Variants in LGMN observed in about 807,000 individuals in gnomAD.
LGMN encodes legumain.
LGMN carries 36 observed loss-of-function variants against 56.8 expected under a neutral mutation model. That is an observed-to-expected ratio of 0.63 (90% confidence interval 0.49 to 0.84). LGMN has a LOEUF of 0.84. Ranked by LOEUF, LGMN falls within the 40% of genes least tolerant of loss-of-function variation. The probability of loss-of-function intolerance (pLI) is 0.00; values close to 1 mark genes in which losing one functional copy is unlikely to be tolerated. For synonymous variants in LGMN, 199 were observed against 210.1 expected, an observed-to-expected ratio of 0.95 and a Z score of 0.46; for missense variants, 446 against 556.1, an observed-to-expected ratio of 0.80 and a Z score of 1.99.
intron 4 of LGMN, 51 bp from the exon 5 acceptor site, chr14:92,716,272 A>C (rs1890069901): frequency 5.1e-6 from 7 of 1,366,038 alleles, no homozygotes; most frequent in Non-Finnish European, 3.1e-6. Context: ...TCCAACCCAG[A>C]GAGTTGGCTG....
chr14:92,714,379 T>A lies in LGMN; in HGVS notation c.477A>T (p.Glu159Asp). ...TTAAAACGTTAAGAAAACTCACATC[T>A]TCATTGGGAAAAACCAGTATTCCAG... ...GSTGILVFPN[E>D]DLHVKDLNET... Residue 159 changes from glutamate (E) to aspartate (D), a missense_variant, in exon 6 of 14, where the codon GAA becomes GAT. By Grantham distance (45) the Glu-to-Asp change is conservative. Transcript: ENST00000334869. The surrounding 1 kb of genome is among the most constrained non-coding windows in gnomAD (Gnocchi z 5.1). The A allele has an allele frequency of 6.2e-7, 1 of 1,603,076 alleles. No homozygotes were observed. The highest frequency in any genetic ancestry group is 2.2e-5 in the East Asian group (1 of 44,808).
At chr14:92,722,989 G>A (rs916794670) in intron 2 of LGMN, among the ~76,000 whole-genome samples, 15 of 152,136 alleles carry the variant, frequency 9.9e-5, no homozygotes, top group African/African-American at 1.7e-4. Flanking sequence ...TTTTGGAAAC[G>A]AGCGTTATAG....
chr14:92,737,290 C>A (rs1175677499), intron 1 of LGMN, among the ~76,000 whole-genome samples: 2 of 152,120 alleles, frequency 1.3e-5, no homozygotes, highest in African/African-American at 4.8e-5. Flanking sequence ...ACAAATATAG[C>A]CTTTTACCCG....
At chr14:92,727,845 G>T (rs1448533803) in intron 2 of LGMN, among the ~76,000 whole-genome samples, 2 of 152,092 alleles carry the variant, frequency 1.3e-5, no homozygotes, top group African/African-American at 4.8e-5. Flanking sequence ...TGATCAGAGG[G>T]CCCTGACTCC....
At chr14:92,726,074 T>A (rs768512221) in intron 2 of LGMN, among the ~76,000 whole-genome samples, 18 of 150,830 alleles carry the variant, frequency 1.2e-4, no homozygotes, top group Admixed American at 7.3e-4. Flanking sequence ...CTGTCTCTAC[T>A]AAAAATACAA....
At chr14:92,730,774 C>G (rs1271816) in intron 2 of LGMN, among the ~76,000 whole-genome samples, 1 of 151,646 alleles carries the variant, frequency 6.6e-6, no homozygotes, top group Non-Finnish European at 1.5e-5. Flanking sequence ...TGAAACCCGG[C>G]CTCTGCTAAA....
At chr14:92,748,134 G>A (rs962186984) in intron 1 of LGMN, among the ~76,000 whole-genome samples, 1 of 152,090 alleles carries the variant, frequency 6.6e-6, no homozygotes, top group Non-Finnish European at 1.5e-5. Context: ...GTAAAGGCTG[G>A]AACCAAGCCC....
At chr14:92,724,161 G>A (rs1031850311) in intron 2 of LGMN, among the ~76,000 whole-genome samples, 8 of 152,342 alleles carry the variant, frequency 5.3e-5, no homozygotes, top group Middle Eastern at 6.8e-3. Flanking sequence ...AAGATGATAT[G>A]TCTTAAACTA....
intron 3 of LGMN, 26 bp downstream of exon 3, chr14:92,718,721 C>T (rs750684342): frequency 4.0e-6 from 6 of 1,505,860 alleles, no homozygotes; most frequent in Non-Finnish European, 5.5e-6. Flanking sequence ...TCCTTCCCCA[C>T]CAAGTTCCAA....
intron 2 of LGMN, 78 bp from the exon 3 acceptor site, chr14:92,718,922 G>A: frequency 3.4e-6 from 3 of 893,194 alleles, no homozygotes; most frequent in South Asian, 3.0e-5. Context: ...GATGTGTTCT[G>A]TCTCCTGGAA....
chr14:92,718,670 T>G, intron 3 of LGMN, 77 bp downstream of exon 3: 1 of 894,180 alleles, frequency 1.1e-6, no homozygotes, highest in South Asian at 1.4e-5. Flanking sequence ...GCCACTAGGA[T>G]TCCTGTGAGT....
intron 1 of LGMN, chr14:92,733,935 C>G (rs1427387607): frequency 6.6e-6 from 1 of 152,142 alleles, no homozygotes; most frequent in Non-Finnish European, 1.5e-5. Context: ...AGGTGGTTGG[C>G]AGGATCAAGG....
chr14:92,717,128 T>C (rs1412005868), intron 4 of LGMN, among the ~76,000 whole-genome samples: 3 of 152,200 alleles, frequency 2.0e-5, no homozygotes, highest in South Asian at 2.1e-4. Flanking sequence ...TGAAACTACA[T>C]GGTCAGGCCT....
chr14:92,714,297 A>G lies in LGMN; in HGVS notation c.480+79T>C. On this transcript the variant is annotated intron_variant, in intron 6 of 13. Transcript: ENST00000334869. This position sits in a 1 kb window ranked among gnomAD's most constrained non-coding sequence, Gnocchi z 5.1. ...ACCCTGGCAGGACACTAGAAAATACACGCTATGGGTTTAATCTCGACACCT... is the reference window on the plus strand; with the variant it reads ...ACCCTGGCAGGACACTAGAAAATACGCGCTATGGGTTTAATCTCGACACCT... 1.0e-6 allele frequency: 1 copy of G among 992,068 alleles called. No individual in the cohort carries two copies. The highest frequency in any genetic ancestry group is 1.6e-6 in the Non-Finnish European group (1 of 633,010). 61.5% of individuals were successfully genotyped at this position (992,068 alleles called of 1,614,324 possible).
chr14:92,732,697 C>T lies in LGMN; in HGVS notation c.90G>A (p.Trp30Ter). ...IDDPEDGGKH[W>*]VVIVAGSNGW... ...CATTTGAACCTGCCACGATCACCAC[C>T]CAGTGCTTGCCTCCATCTTCAGGAT... The change falls in exon 2 of 14, where the codon TGG becomes TGA. Residue 30 changes from tryptophan to a stop codon, truncating the protein, a stop_gained. Coordinates refer to ENST00000334869, the MANE Select transcript of LGMN (RefSeq NM_005606.7). LOFTEE classifies it high-confidence loss of function. The T allele has an allele frequency of 3.1e-6, 5 of 1,614,172 alleles. No individual in the cohort carries two copies. The highest frequency in any genetic ancestry group is 4.2e-6 in the Non-Finnish European group (5 of 1,180,022).
At chr14:92,716,539 A>C (rs1890086487) in intron 4 of LGMN, among the ~76,000 whole-genome samples, 1 of 152,204 alleles carries the variant, frequency 6.6e-6, no homozygotes. Context: ...AGGCTGAGGC[A>C]GGAGAATCAC....
intron 2 of LGMN, among the ~76,000 whole-genome samples, chr14:92,727,646 G>T (rs1890807858): frequency 6.6e-6 from 1 of 152,072 alleles, no homozygotes; most frequent in Non-Finnish European, 1.5e-5. Context: ...AAGAGCTTCT[G>T]TGGAAATCCC....
At chr14:92,729,475 C>CCT (rs528683120) in intron 2 of LGMN, among the ~76,000 whole-genome samples, 1 of 86,000 alleles carries the variant, frequency 1.2e-5, no homozygotes, top group East Asian at 4.7e-4. Flanking sequence ...ACGCCCCCCC[C>CCT]CCCCGCCCCC....
rs1189502344 is a variant in LGMN at position 92,722,164 on chromosome 14, T to A, written c.139-3320A>T. ...AGAGTCCATCAGACAGGGGACAAGG[T>A]ACTAGTATAATTTTTTTTTTTTTAG... is the stretch of plus-strand genomic sequence containing the variant. On this transcript the variant is annotated intron_variant, in intron 2 of 13. Coordinates refer to ENST00000334869, the MANE Select transcript of LGMN (RefSeq NM_005606.7). Among the ~76,000 whole-genome samples the A allele has an allele frequency of 5.3e-5, 8 of 151,896 alleles. No individual in the cohort carries two copies. The East Asian group carries it at 1.5e-3, about 29-fold the overall frequency.
Sources: allele counts gnomAD v4.1 joint callset (sites outside exome capture counted in the v4.1 genomes callset), GRCh38; gene constraint gnomAD v4.1.1; non-coding constraint Gnocchi (gnomAD v3.1); transcripts MANE v1.5; gene names NCBI Gene and HGNC (gene_info 2026-07-23, HGNC 2026-07-21).